NOM1: variants seen among roughly 807,000 people sequenced by gnomAD.
NOM1 encodes nucleolar MIF4G domain-containing protein 1.
In NOM1, 58 loss-of-function variants were observed where a neutral mutation model predicts 73.3. The observed-to-expected ratio is 0.79, with a 90% CI of 0.64 to 0.99. The LOEUF (loss-of-function observed/expected upper bound fraction) is 0.99, where lower values mean the gene tolerates loss of function less well. Ranked by LOEUF, NOM1 falls within the 50% of genes least tolerant of loss-of-function variation. The pLI, the probability that NOM1 is intolerant of heterozygous loss-of-function variation, is 0.00. For missense variants in NOM1, 1,226 were observed against 1,131.9 expected (o/e 1.08, Z -1.19); for synonymous variants, 487 against 446.8 (o/e 1.09, Z -1.14).
chr7:156,964,056 T>C, intron 7 of NOM1, 30 bp downstream of exon 7: 4 of 1,599,496 alleles, frequency 2.5e-6, no homozygotes, highest in Non-Finnish European at 3.4e-6. Context: ...TTTTGACCTA[T>C]TAATGAGATG....
chr7:156,954,238 C>T lies in NOM1; in HGVS notation c.1248C>T (p.Ser416=), dbSNP rs756929410. The T allele has an allele frequency of 1.2e-6, 2 of 1,612,684 alleles. No individual in the cohort carries two copies. Among genetic ancestry groups the T allele is most frequent in the Admixed American group, 3.4e-5 (2 of 59,386 alleles). ...GCGTCACTGCCTCGGCCATGCCCAG[C>T]AGACTGATGATGGAGCATGTTCTCT... ...GACVTASAMP[S]RLMMEHVLLV... is the part of the protein sequence containing the mutation. The change falls in exon 3 of 11, where the codon AGC becomes AGT. Residue 416 remains serine, a synonymous_variant. Coordinates refer to ENST00000275820, the MANE Select transcript of NOM1 (RefSeq NM_138400.2).
At position 156,961,778 on chromosome 7, in the gene NOM1, A is replaced by G. The variant is rs79407628; in HGVS notation, c.1633-373A>G. On this transcript the variant is annotated intron_variant, in intron 4 of 10. Coordinates refer to ENST00000275820, the MANE Select transcript of NOM1 (RefSeq NM_138400.2). ...TTAAAAAAATTACAAGGCCAGTGGT[A>G]GGAGAGAGGATGTCCAGAGCAGGTC... 7.5e-3 allele frequency among the ~76,000 whole-genome samples: 1,146 copies of G among 152,126 alleles called. 17 individuals are homozygous for G. The highest frequency in any genetic ancestry group is 0.025 in the African/African-American group (1,055 of 41,502).
intron 7 of NOM1, 60 bp downstream of exon 7, chr7:156,964,086 A>G: frequency 6.4e-7 from 1 of 1,569,860 alleles, no homozygotes; most frequent in Admixed American, 1.7e-5. Context: ...AAGTAAGTTG[A>G]TTTGCTTTTT....
chr7:156,960,576 G>A (rs910833608), intron 4 of NOM1, among the ~76,000 whole-genome samples: 3 of 152,174 alleles, frequency 2.0e-5, no homozygotes, highest in African/African-American at 7.2e-5. Context: ...ATGATGAGAT[G>A]TGTGGAACCG....
chr7:156,952,355 A>C (rs768114662), intron 1 of NOM1, 119 bp from the exon 2 acceptor site: 1 of 1,016,630 alleles, frequency 9.8e-7, no homozygotes, highest in Non-Finnish European at 1.4e-6. Flanking sequence ...AGCAGCAATG[A>C]TCAGTAGCAG....
chr7:156,954,223 C>T lies in NOM1; in HGVS notation c.1233C>T (p.Ala411=). 6.2e-7 allele frequency: 1 copy of T among 1,613,688 alleles called. No homozygotes were observed. Among genetic ancestry groups the T allele is most frequent in the Admixed American group, 1.7e-5 (1 of 59,822 alleles). The change falls in exon 3 of 11, where the codon GCC becomes GCT. Residue 411 remains alanine (A), a synonymous_variant. Coordinates refer to ENST00000275820, the MANE Select transcript of NOM1 (RefSeq NM_138400.2). Reference sequence around the variant, plus strand: ...CTCTCATGGGTGCCTGCGTCACTGCCTCGGCCATGCCCAGCAGACTGATGA... The same window carrying T: ...CTCTCATGGGTGCCTGCGTCACTGCTTCGGCCATGCCCAGCAGACTGATGA... ...TSALMGACVT[A]SAMPSRLMME...
In NOM1 at chr7:156,968,040, G is replaced by A. The variant is rs535174231; in HGVS notation, c.2298+948G>A. Among the ~76,000 whole-genome samples the A allele has an allele frequency of 8.1e-4, 123 of 152,332 alleles. No individual in the cohort carries two copies. The Middle Eastern group carries it at 0.014, about 17-fold the overall frequency. On this transcript the variant is annotated intron_variant, in intron 9 of 10. Coordinates refer to ENST00000275820, the MANE Select transcript of NOM1 (RefSeq NM_138400.2). ...AGCTTCCCGTGTGTTTCTGTGTGTC[G>A]TGTGCAGTTCATCAGCATGCCGGCT...
intron 6 of NOM1, 31 bp from the exon 7 acceptor site, chr7:156,963,874 C>T (rs192435513): frequency 5.5e-5 from 88 of 1,603,360 alleles, no homozygotes; most frequent in Non-Finnish European, 6.6e-5. Flanking sequence ...TGGAGACATG[C>T]GTATGACTTG....
intron 10 of NOM1, 93 bp from the exon 11 acceptor site, chr7:156,969,436 A>C: frequency 1.9e-6 from 2 of 1,077,256 alleles, no homozygotes; most frequent in East Asian, 4.8e-5. Flanking sequence ...TTTTAAAAGA[A>C]ACTGGTTATG....
intron 2 of NOM1, 46 bp from the exon 3 acceptor site, chr7:156,954,057 C>T: frequency 2.0e-6 from 3 of 1,524,816 alleles, no homozygotes; most frequent in Non-Finnish European, 2.7e-6. Context: ...ACTGAAAATT[C>T]CTAATTGGAA....
intron 4 of NOM1, among the ~76,000 whole-genome samples, chr7:156,960,560 G>A (rs954534092): frequency 2.0e-5 from 3 of 152,096 alleles, no homozygotes; most frequent in Admixed American, 6.5e-5. Context: ...ATTGTGTGCC[G>A]TTCAGATGAT....
At chr7:156,968,069 G>T (rs978614841) in intron 9 of NOM1, among the ~76,000 whole-genome samples, 1 of 152,206 alleles carries the variant, frequency 6.6e-6, no homozygotes, top group Non-Finnish European at 1.5e-5. Context: ...GCCGGCTCCA[G>T]TTCACCCTGC....
intron 3 of NOM1, among the ~76,000 whole-genome samples, chr7:156,957,110 C>T (rs1232480486): frequency 6.6e-6 from 1 of 152,120 alleles, no homozygotes; most frequent in Non-Finnish European, 1.5e-5. Context: ...TGACTTGTTC[C>T]GAAGGGAAGT....
chr7:156,955,785 C>T (rs901848740), intron 3 of NOM1, among the ~76,000 whole-genome samples: 1 of 152,250 alleles, frequency 6.6e-6, no homozygotes, highest in Non-Finnish European at 1.5e-5. Context: ...ATGCTTTCTA[C>T]TGCAATGCTA....
chr7:156,967,901 T>A (rs932703220), intron 9 of NOM1, among the ~76,000 whole-genome samples: 2 of 132,194 alleles, frequency 1.5e-5, no homozygotes, highest in Non-Finnish European at 3.1e-5. Flanking sequence ...CAACAGACTC[T>A]GAATAGCCAA....
Position 156,966,380 on chromosome 7 carries a change from G to A in NOM1, c.2144G>A (p.Cys715Tyr). 1 of 1,614,172 alleles carries A rather than the reference G, an allele frequency of 6.2e-7. No individual in the cohort carries two copies. The highest frequency in any genetic ancestry group is 8.5e-7 in the Non-Finnish European group (1 of 1,180,038). The change falls in exon 8 of 11, where the codon TGT becomes TAT. Residue 715 changes from cysteine to tyrosine, a missense_variant. Cys to Tyr is a radical substitution (Grantham distance 194). Transcript: ENST00000275820. ...PFYAFLASKF[C>Y]EYERRFQMTF... Reference sequence around the variant, plus strand: ...TATGCTTTCCTGGCTAGCAAATTCTGTGAATATGAAAGGAGATTTCAGGTA... The same window carrying A: ...TATGCTTTCCTGGCTAGCAAATTCTATGAATATGAAAGGAGATTTCAGGTA...
intron 6 of NOM1, 44 bp downstream of exon 6, chr7:156,963,219 C>T (rs1804911128): frequency 6.2e-7 from 1 of 1,607,470 alleles, no homozygotes; most frequent in Non-Finnish European, 8.5e-7. Flanking sequence ...AGGCACCCCC[C>T]TGTGTGGTGT....
Position 156,954,078 on chromosome 7 carries a change from T to C in NOM1, c.1113-25T>C, listed in dbSNP as rs1313717543. ...AATTCCTAATTGGAAACATTGTTGC[T>C]CTCTGTCTTTACAATTCTCTGCAGG... On this transcript the variant is annotated intron_variant, in intron 2 of 10. Transcript: ENST00000275820. 3.2e-6 allele frequency: 5 copies of C among 1,580,774 alleles called. No individual in the cohort carries two copies. In the Admixed American group the frequency reaches 5.9e-5, roughly 19 times the overall value.
intron 1 of NOM1, among the ~76,000 whole-genome samples, chr7:156,951,983 G>T (rs1174479477): frequency 6.6e-6 from 1 of 152,164 alleles, no homozygotes; most frequent in East Asian, 1.9e-4. Flanking sequence ...TGGGATTACC[G>T]ACATGAGCCA....
Sources: gnomAD v4.1 joint callset for allele counts (sites outside exome capture counted in the v4.1 genomes callset) on GRCh38, gnomAD v4.1.1 for gene constraint, MANE v1.5 for transcripts, NCBI Gene and HGNC (gene_info 2026-07-23, HGNC 2026-07-21) for gene names.